The following IPO8 variants were observed in gnomAD, a reference collection of about 807,000 sequenced individuals.
IPO8 encodes importin 8.
A neutral mutation model predicts 141.2 loss-of-function variants in IPO8; 65 were observed. The observed-to-expected ratio is 0.46, with a 90% CI of 0.38 to 0.57. The LOEUF (loss-of-function observed/expected upper bound fraction) is 0.57, where lower values mean the gene tolerates loss of function less well. IPO8 is among the 20% of genes least tolerant of loss of function. IPO8 has a pLI of 0.00. For missense variants in IPO8, 980 were observed against 1,246.8 expected (o/e 0.79, Z 3.22); for synonymous variants, 411 against 420.3 (o/e 0.98, Z 0.27).
At chr12:30,693,468 T>C (rs1020970811) in intron 1 of IPO8, among the ~76,000 whole-genome samples, 7 of 152,216 alleles carry the variant, frequency 4.6e-5, no homozygotes, top group Admixed American at 3.9e-4. Flanking sequence ...TCCATCAGTA[T>C]ACCGCAGAAG....
intron 1 of IPO8, among the ~76,000 whole-genome samples, chr12:30,691,048 C>A (rs1038333400): frequency 2.0e-5 from 3 of 152,048 alleles, no homozygotes; most frequent in African/African-American, 7.2e-5. Context: ...TTGCTTTATT[C>A]TTAATAAATT....
At chr12:30,688,777 T>C (rs2136175707) in intron 2 of IPO8, 1 of 153,482 alleles carries the variant, frequency 6.5e-6, no homozygotes, top group Admixed American at 6.5e-5. Flanking sequence ...TGGTAGAAAA[T>C]GTAAGCAAAA....
chr12:30,692,628 A>G (rs536240221), intron 1 of IPO8, among the ~76,000 whole-genome samples: 46 of 152,324 alleles, frequency 3.0e-4, no homozygotes, highest in African/African-American at 1.0e-3. Context: ...AAAGCAAAAA[A>G]CTGATGTCTC....
chr12:30,674,749 G>A lies in IPO8; in HGVS notation c.734C>T (p.Thr245Ile), dbSNP rs2136163786. ...TIIDRTVPPE[T>I]LHIDEDDRPE... ...TCTATCATCCTCATCAATGTGCAGA[G>A]TCTCCTAACAGGACAAAATTACCCA... is the stretch of plus-strand genomic sequence containing the variant. The change falls in exon 7 of 25, where the codon ACT (threonine) becomes ATT (isoleucine). Residue 245 changes from threonine to isoleucine, a missense_variant. Thr to Ile is a moderately conservative substitution (Grantham distance 89). This residue lies in a region of IPO8 where 924 missense variants were observed against 1,153.9 expected (regional missense o/e 0.80). Transcript: ENST00000256079. 6.2e-7 allele frequency: 1 copy of A among 1,609,324 alleles called. No individual in the cohort carries two copies. The highest frequency in any genetic ancestry group is 8.5e-7 in the Non-Finnish European group (1 of 1,175,768).
intron 20 of IPO8, among the ~76,000 whole-genome samples, chr12:30,648,433 G>A (rs2136136361): frequency 6.6e-6 from 1 of 152,236 alleles, no homozygotes; most frequent in East Asian, 1.9e-4. Context: ...CTGTTAATGA[G>A]TTTTTTGGGA....
rs2136150831 is a variant in IPO8 at position 30,663,494 on chromosome 12, A to G, written c.1589T>C (p.Ile530Thr). ...LALQSLISNQ[I>T]QAKEYMKPHV... ...AAAAGGTATTTTGGCTTTACCTTGT[A>G]TCTGGTTAGAAATTAAAGACTGAAG... The change falls in exon 14 of 25, where the codon ATA becomes ACA. Residue 530 changes from isoleucine (I) to threonine (T), a missense_variant. Ile to Thr is a moderately conservative substitution (Grantham distance 89, BLOSUM62 -1). Coordinates refer to ENST00000256079, the MANE Select transcript of IPO8 (RefSeq NM_006390.4). 1.9e-6 allele frequency: 3 copies of G among 1,608,834 alleles called. No individual in the cohort carries two copies. In the East Asian group the frequency reaches 6.7e-5, roughly 36 times the overall value.
At chr12:30,669,002 C>T (rs565611224) in intron 10 of IPO8, among the ~76,000 whole-genome samples, 181 bp downstream of exon 10, 4 of 152,246 alleles carry the variant, frequency 2.6e-5, no homozygotes, top group Non-Finnish European at 5.9e-5. Flanking sequence ...CTCCCACATC[C>T]GACAATCTCC....
At position 30,656,708 on chromosome 12, in the gene IPO8, G is replaced by T. The variant is rs1441502035; in HGVS notation, c.1924C>A (p.Leu642Ile). ...LENICLRIID[L>I]VLQKHVIEFY... ...CCAATTACATGTTTCTGCAGAACAA[G>T]ATCAATGATCCGTAGACAGATATTC... Residue 642 changes from leucine to isoleucine, a missense_variant, in exon 17 of 25, where the codon CTT (leucine) becomes ATT (isoleucine). Around this residue, in one of 3 missense-constraint regions of IPO8, gnomAD observed 924 missense variants for 1,153.9 expected, o/e 0.80. Coordinates refer to ENST00000256079, the MANE Select transcript of IPO8 (RefSeq NM_006390.4). 6.4e-7 allele frequency: 1 copy of T among 1,560,778 alleles called. No homozygotes were observed. The highest frequency in any genetic ancestry group is 2.3e-5 in the East Asian group (1 of 42,814).
At chr12:30,643,052 A>C (rs1053217263) in intron 20 of IPO8, among the ~76,000 whole-genome samples, 1 of 152,242 alleles carries the variant, frequency 6.6e-6, no homozygotes, top group Non-Finnish European at 1.5e-5. Flanking sequence ...ATAATGGTAA[A>C]TAAAGGGAAA....
intron 21 of IPO8, 23 bp downstream of exon 21, chr12:30,639,492 T>C (rs777207997): frequency 2.7e-6 from 4 of 1,488,850 alleles, no homozygotes; most frequent in South Asian, 2.3e-5. Flanking sequence ...AGAAAAGCAG[T>C]GTAAAATCCA....
chr12:30,662,811 A>G (rs920333879), intron 14 of IPO8, among the ~76,000 whole-genome samples: 1 of 152,142 alleles, frequency 6.6e-6, no homozygotes, highest in Admixed American at 6.5e-5. Context: ...AACATGAATC[A>G]GTTCTCATGA....
intron 16 of IPO8, among the ~76,000 whole-genome samples, chr12:30,659,454 G>T (rs180870007): frequency 7.4e-4 from 112 of 150,600 alleles, no homozygotes; most frequent in African/African-American, 2.7e-3. Flanking sequence ...TCCGGCCTGG[G>T]CAACAGAGCA....
At chr12:30,670,228 G>T (rs532454018) in intron 9 of IPO8, among the ~76,000 whole-genome samples, 1 of 152,072 alleles carries the variant, frequency 6.6e-6, no homozygotes, top group Non-Finnish European at 1.5e-5. Flanking sequence ...TTGGTAAGAC[G>T]GGTAATAACA....
chr12:30,646,588 T>C (rs2052650258), intron 20 of IPO8, among the ~76,000 whole-genome samples: 2 of 152,092 alleles, frequency 1.3e-5, no homozygotes, highest in South Asian at 4.2e-4. Context: ...CAGAAAATTC[T>C]AAAAAATCCA....
At chr12:30,649,933 A>C (rs962675466) in intron 19 of IPO8, among the ~76,000 whole-genome samples, 1 of 152,108 alleles carries the variant, frequency 6.6e-6, no homozygotes, top group Non-Finnish European at 1.5e-5. Context: ...TGATTCAAAT[A>C]TAAGACATAA....
chr12:30,682,067 A>T (rs190698739), intron 3 of IPO8, among the ~76,000 whole-genome samples: 20 of 152,298 alleles, frequency 1.3e-4, no homozygotes, highest in East Asian at 3.9e-4. Flanking sequence ...AATACAGTTT[A>T]AAAAAATTGT....
chr12:30,671,171 G>T, intron 8 of IPO8, 75 bp from the exon 9 acceptor site: 1 of 923,498 alleles, frequency 1.1e-6, no homozygotes, highest in South Asian at 1.6e-5. Flanking sequence ...TTTTTGGCAT[G>T]ACCTAAAATT....
intron 2 of IPO8, among the ~76,000 whole-genome samples, chr12:30,686,124 G>C (rs2053239948): frequency 6.6e-6 from 1 of 151,952 alleles, no homozygotes; most frequent in Non-Finnish European, 1.5e-5. Flanking sequence ...TTATATAAAG[G>C]GGGATGTGTG....
At chr12:30,672,681 A>G (rs1292310276) in intron 8 of IPO8, among the ~76,000 whole-genome samples, 1 of 152,180 alleles carries the variant, frequency 6.6e-6, no homozygotes, top group East Asian at 1.9e-4. Flanking sequence ...GGAGTTTAAC[A>G]TTAGTGGACA....
Sources: gnomAD v4.1 joint callset for allele counts (sites outside exome capture counted in the v4.1 genomes callset) on GRCh38, gnomAD v4.1.1 for gene constraint, gnomAD v4.1.1 regional missense constraint, MANE v1.5 for transcripts, NCBI Gene and HGNC (gene_info 2026-07-23, HGNC 2026-07-21) for gene names.